ANXA4: variants seen among roughly 807,000 people sequenced by gnomAD.
ANXA4 encodes annexin A4, also known as 35-beta calcimedin.
In ANXA4, 39 loss-of-function variants were observed where a neutral mutation model predicts 49.8. The observed-to-expected ratio is 0.78, with a 90% CI of 0.61 to 1.02. The LOEUF (loss-of-function observed/expected upper bound fraction) is 1.02. ANXA4 is among the 50% of genes least tolerant of loss of function. ANXA4 has a pLI of 0.00. For synonymous variants in ANXA4, 134 were observed against 152.5 expected (o/e 0.88, Z 0.89); for missense variants, 360 against 410.1 (o/e 0.88, Z 1.05).
chr2:69,707,526 A>G (rs528936073), intron 2 of ANXA4, among the ~76,000 whole-genome samples: 10 of 152,350 alleles, frequency 6.6e-5, no homozygotes, highest in African/African-American at 2.4e-4. Context: ...GTTTTATCTC[A>G]TAACCGTGGA....
At chr2:69,694,894 G>A (rs1231176312) in intron 2 of ANXA4, among the ~76,000 whole-genome samples, 5 of 152,050 alleles carry the variant, frequency 3.3e-5, no homozygotes, top group Non-Finnish European at 5.9e-5. Context: ...CCAAAGTGCT[G>A]GGATTACAGG....
chr2:69,801,636 T>C (rs1673198877), intron 3 of ANXA4, among the ~76,000 whole-genome samples: 1 of 152,100 alleles, frequency 6.6e-6, no homozygotes, highest in Admixed American at 6.6e-5. Flanking sequence ...ACTCCTGACC[T>C]CAAGTGATCC....
chr2:69,765,870 G>T (rs1478948385), intron 1 of ANXA4, among the ~76,000 whole-genome samples: 2 of 152,156 alleles, frequency 1.3e-5, no homozygotes, highest in Non-Finnish European at 2.9e-5. Flanking sequence ...TAGCAATGAG[G>T]CCTTCAGGAA....
intron 2 of ANXA4, among the ~76,000 whole-genome samples, chr2:69,667,993 C>A (rs1677004409): frequency 6.6e-6 from 1 of 152,188 alleles, no homozygotes; most frequent in African/African-American, 2.4e-5. Context: ...TGCACAGGTG[C>A]TTTTCAAGTC....
intron 2 of ANXA4, among the ~76,000 whole-genome samples, chr2:69,656,375 ATG>A (rs1474998943): frequency 3.0e-4 from 38 of 128,384 alleles, no homozygotes; most frequent in Non-Finnish European, 3.7e-4. Flanking sequence ...ATGTGTATAT[ATG>A]TGTATATATA....
At chr2:69,667,456 C>A (rs1676979723) in intron 2 of ANXA4, among the ~76,000 whole-genome samples, 2 of 148,888 alleles carry the variant, frequency 1.3e-5, no homozygotes, top group African/African-American at 4.9e-5. Flanking sequence ...CATTACCCAT[C>A]TGACCTGAAA....
chr2:69,659,226 G>T (rs774671476), intron 2 of ANXA4, among the ~76,000 whole-genome samples: 3 of 152,174 alleles, frequency 2.0e-5, no homozygotes, highest in Non-Finnish European at 4.4e-5. Context: ...ATAAATTAGA[G>T]ATAGCATCTA....
At chr2:69,742,648 C>T (rs1290964526) in intron 1 of ANXA4, among the ~76,000 whole-genome samples, 1 of 152,158 alleles carries the variant, frequency 6.6e-6, no homozygotes, top group East Asian at 1.9e-4. Flanking sequence ...GTCTAATGCC[C>T]TCGGCACAGT....
intron 1 of ANXA4, among the ~76,000 whole-genome samples, chr2:69,778,851 A>G (rs1338485982): frequency 1.3e-5 from 2 of 150,400 alleles, no homozygotes; most frequent in African/African-American, 2.4e-5. Context: ...TAGTCCCAGC[A>G]CTTTGGGAGG....
chr2:69,761,722 A>G (rs1167305708), intron 1 of ANXA4, among the ~76,000 whole-genome samples: 3 of 151,488 alleles, frequency 2.0e-5, no homozygotes, highest in East Asian at 3.9e-4. Context: ...GGAGTTCAAG[A>G]CCAGCCTGGA....
At chr2:69,728,406 C>A (rs2105441767) in intron 3 of ANXA4, among the ~76,000 whole-genome samples, 1 of 152,198 alleles carries the variant, frequency 6.6e-6, no homozygotes, top group East Asian at 1.9e-4. Context: ...ATTTATTTTT[C>A]TTTATGGTTA....
intron 3 of ANXA4, among the ~76,000 whole-genome samples, chr2:69,730,024 T>C (rs1467555577): frequency 3.3e-5 from 5 of 152,204 alleles, no homozygotes; most frequent in African/African-American, 1.2e-4. Context: ...GTGCCCTTTA[T>C]TCCCTGAAGA....
chr2:69,770,615 C>T (rs1166315005), intron 1 of ANXA4, among the ~76,000 whole-genome samples: 3 of 151,982 alleles, frequency 2.0e-5, no homozygotes, highest in Non-Finnish European at 2.9e-5. Flanking sequence ...CTTCAGTTAC[C>T]GGGGTGAATT....
rs566411437 is a variant in ANXA4, at chr2:69,763,920, C to G, written c.-46-17600C>G. 8.8e-4 allele frequency among the ~76,000 whole-genome samples: 134 copies of G among 152,254 alleles called. 1 individual carries two copies. Among genetic ancestry groups the G allele is most frequent in the Non-Finnish European group, 1.3e-4 (9 of 67,996 alleles). ...TTGTGATCTGCCCTCCTCGGCCTCC[C>G]AAAGTGCTGGGATTACAGACGTGAG... is the stretch of plus-strand genomic sequence containing the variant. On this transcript the variant is annotated intron_variant, in intron 1 of 12. Transcript: ENST00000394295.
upstream of ANXA4, among the ~76,000 whole-genome samples, chr2:69,740,443 T>G (rs565623774): frequency 1.1e-3 from 169 of 152,082 alleles, no homozygotes; most frequent in Non-Finnish European, 1.8e-3. Flanking sequence ...TTTTTTGTTT[T>G]GTTTTGTTTT....
intron 1 of ANXA4, among the ~76,000 whole-genome samples, chr2:69,750,059 G>C (rs1361903992): frequency 6.6e-6 from 1 of 152,110 alleles, no homozygotes; most frequent in Non-Finnish European, 1.5e-5. Context: ...TTACAGACTT[G>C]TTGTTATGTA....
intron 2 of ANXA4, among the ~76,000 whole-genome samples, chr2:69,698,622 G>T (rs1037785440): frequency 6.6e-6 from 1 of 152,190 alleles, no homozygotes; most frequent in African/African-American, 2.4e-5. Flanking sequence ...TGCGTTGTCG[G>T]CTCTGACTAG....
chr2:69,745,891 G>A (rs533086526), intron 1 of ANXA4, among the ~76,000 whole-genome samples: 2 of 152,206 alleles, frequency 1.3e-5, no homozygotes, highest in African/African-American at 4.8e-5. Flanking sequence ...ATTGAATAAA[G>A]CATTAATAAA....
intron 3 of ANXA4, among the ~76,000 whole-genome samples, chr2:69,730,952 C>T (rs1670080597): frequency 6.6e-6 from 1 of 152,206 alleles, no homozygotes; most frequent in Non-Finnish European, 1.5e-5. Flanking sequence ...AAAATTATGT[C>T]TCCACCAACA....
Sources: gnomAD v4.1 joint callset for allele counts (sites outside exome capture counted in the v4.1 genomes callset) on GRCh38, gnomAD v4.1.1 for gene constraint, MANE v1.5 for transcripts, NCBI Gene and HGNC (gene_info 2026-07-23, HGNC 2026-07-21) for gene names.